Variants in FARP1 observed in about 807,000 individuals in gnomAD.
FARP1 encodes the protein FERM, ARH/RhoGEF and pleckstrin domain protein 1, also known as FERM, ARHGEF and pleckstrin domain-containing protein 1.
A neutral mutation model predicts 128.8 loss-of-function variants in FARP1; 52 were observed. The ratio of observed to expected loss-of-function variants is 0.40; its 90% CI spans 0.32 to 0.51. FARP1 has a LOEUF of 0.51. Among genes scored for constraint, FARP1 ranks in the 20% least tolerant of loss-of-function variants. FARP1 has a pLI of 0.45. For synonymous variants in FARP1, 580 were observed against 551.8 expected, an observed-to-expected ratio of 1.05 and a Z score of -0.72; for missense variants, 1,333 against 1,367.9, an observed-to-expected ratio of 0.97 and a Z score of 0.40.
rs118152627 is a variant in FARP1 at position 98,428,728 on chromosome 13, G to T, written c.1906-2315G>T. On this transcript the variant is annotated intron_variant, in intron 17 of 26. Transcript: ENST00000319562. ...GTGTCCTCCCAAGACCTCTGCCTTG[G>T]CCTGGGTGTGTGCATTGCTTCGTTG... Among the ~76,000 whole-genome samples, 510 of 152,280 alleles carry T rather than the reference G, an allele frequency of 3.3e-3. 27 individuals are homozygous for T. In the East Asian group the frequency reaches 0.088, roughly 26 times the overall value.
chr13:98,387,559 C>T (rs1190177397), intron 8 of FARP1, among the ~76,000 whole-genome samples: 1 of 152,202 alleles, frequency 6.6e-6, no homozygotes, highest in Non-Finnish European at 1.5e-5. Flanking sequence ...AATGAACAGG[C>T]CTGGTGTTCC....
chr13:98,177,914 C>T (rs1409138772), intron 1 of FARP1: 1 of 152,150 alleles, frequency 6.6e-6, no homozygotes, highest in Admixed American at 6.5e-5. Context: ...AAAACAAAAA[C>T]AGATACAAGC....
chr13:98,152,412 G>A (rs1160553231), intron 1 of FARP1, among the ~76,000 whole-genome samples: 4 of 152,152 alleles, frequency 2.6e-5, no homozygotes, highest in Admixed American at 6.5e-5. Context: ...GAATGTTTGT[G>A]TGCACTTAAA....
At chr13:98,428,582 G>C (rs2139034256) in intron 17 of FARP1, among the ~76,000 whole-genome samples, 1 of 152,306 alleles carries the variant, frequency 6.6e-6, no homozygotes, top group East Asian at 1.9e-4. Context: ...ATGGTTTGGA[G>C]AATGCAGTCC....
intron 15 of FARP1, among the ~76,000 whole-genome samples, chr13:98,411,141 C>T (rs1350625160): frequency 2.0e-5 from 3 of 152,182 alleles, no homozygotes; most frequent in Non-Finnish European, 4.4e-5. Flanking sequence ...AGTATAACTG[C>T]TGATTTTTGT....
chr13:98,443,422 G>GCA (rs1417465091), intron 24 of FARP1, among the ~76,000 whole-genome samples: 24 of 152,294 alleles, frequency 1.6e-4, no homozygotes, highest in African/African-American at 5.3e-4. Flanking sequence ...CAGCCCTCAT[G>GCA]TGCCAGACGC....
chr13:98,266,664 A>C (rs571521051), intron 2 of FARP1, among the ~76,000 whole-genome samples: 1 of 152,286 alleles, frequency 6.6e-6, no homozygotes, highest in South Asian at 2.1e-4. Context: ...AGAGGAAAAA[A>C]CAACCCCAAG....
Position 98,215,399 on chromosome 13 carries a change from C to A in FARP1, c.171+1986C>A, listed in dbSNP as rs370850860. ...CCTGCAGACCACTTTACTCATATAC[C>A]TGTCAGATGCACAAGGGAGCCTGGG... On this transcript the variant is annotated intron_variant, in intron 2 of 26. Transcript: ENST00000319562. Among the ~76,000 whole-genome samples, 250 of 152,284 alleles carry A rather than the reference C, an allele frequency of 1.6e-3. 1 individual carries two copies. The highest frequency in any genetic ancestry group is 5.7e-3 in the African/African-American group (238 of 41,554).
intron 4 of FARP1, 143 bp from the exon 5 acceptor site, chr13:98,367,974 T>G: frequency 3.1e-6 from 2 of 635,522 alleles, no homozygotes; most frequent in Non-Finnish European, 5.5e-6. Context: ...CTTGGCCAGT[T>G]GTTAAGTGAC....
intron 16 of FARP1, among the ~76,000 whole-genome samples, chr13:98,412,882 CAA>C (rs1891242449): frequency 6.6e-6 from 1 of 152,094 alleles, no homozygotes; most frequent in South Asian, 2.1e-4. Flanking sequence ...GAGAAAATAG[CAA>C]AAAGTTTTTG....
At chr13:98,278,991 A>ATTTTTTTTTTTTTT (rs1159451553) in intron 2 of FARP1, among the ~76,000 whole-genome samples, 3 of 132,080 alleles carry the variant, frequency 2.3e-5, no homozygotes, top group African/African-American at 6.6e-5. Flanking sequence ...ACGCCCTGCT[A>ATTTTTTTTTTTTTT]ATTTTTTTTT....
At chr13:98,362,705 T>C (rs1888921131) in intron 3 of FARP1, among the ~76,000 whole-genome samples, 1 of 152,192 alleles carries the variant, frequency 6.6e-6, no homozygotes, top group African/African-American at 2.4e-5. Flanking sequence ...TGAATGTGTG[T>C]CATTGTTTGT....
intron 19 of FARP1, among the ~76,000 whole-genome samples, chr13:98,437,573 T>C (rs1892324306): frequency 6.6e-6 from 1 of 152,070 alleles, no homozygotes; most frequent in Non-Finnish European, 1.5e-5. Context: ...CCAGGAGGGC[T>C]TCGTGCAGGG....
chr13:98,161,784 T>C (rs1876906432), intron 1 of FARP1, among the ~76,000 whole-genome samples: 1 of 151,988 alleles, frequency 6.6e-6, no homozygotes, highest in South Asian at 2.1e-4. Flanking sequence ...CTTCTTTCTT[T>C]CTCCCTTTCT....
intron 1 of FARP1, among the ~76,000 whole-genome samples, chr13:98,151,660 C>CTTTTTTTTTGTTTTTTT (rs1876011036): frequency 1.4e-5 from 1 of 69,224 alleles, no homozygotes; most frequent in Non-Finnish European, 2.8e-5. Context: ...TATCTTCCAT[C>CTTTTTTTTTGTTTTTTT]TTTTTTTTTT....
chr13:98,265,631 A>G (rs1884080042), intron 2 of FARP1, among the ~76,000 whole-genome samples: 1 of 152,112 alleles, frequency 6.6e-6, no homozygotes, highest in African/African-American at 2.4e-5. Flanking sequence ...TCCTGAATTT[A>G]TATACGACAT....
intron 2 of FARP1, among the ~76,000 whole-genome samples, chr13:98,314,150 A>G (rs1886613106): frequency 6.6e-6 from 1 of 152,154 alleles, no homozygotes; most frequent in East Asian, 1.9e-4. Context: ...TCAGTGTTTG[A>G]CATGGAGCCA....
rs58342268 is a variant in FARP1 at position 98,449,801 on chromosome 13, TGGGGGGG to T, written c.*1486_*1492del. 8.5e-5 allele frequency: 10 copies of T among 117,462 alleles called. No individual in the cohort carries two copies. Among genetic ancestry groups the T allele is most frequent in the Non-Finnish European group, 3.6e-5 (2 of 55,764 alleles). The allele number at this position is 117,462 out of a possible 1,614,324, so 7.3% of individuals were successfully genotyped here. On this transcript the variant is annotated 3_prime_UTR_variant, in exon 27 of 27. Coordinates refer to ENST00000319562, the MANE Select transcript of FARP1 (RefSeq NM_005766.4). ...TTGTCTGTAGTCTTCATTTTCTGTGTGGGGGGGGAGGGGGGAAGGGGACACTCCAGCA... is the reference window on the plus strand; with the variant it reads ...TTGTCTGTAGTCTTCATTTTCTGTGTGAGGGGGGAAGGGGACACTCCAGCA...
intron 2 of FARP1, among the ~76,000 whole-genome samples, chr13:98,274,201 A>G (rs1227930947): frequency 6.6e-6 from 1 of 152,084 alleles, no homozygotes; most frequent in Non-Finnish European, 1.5e-5. Context: ...AGAGGAAAAA[A>G]GTGAAAAGAT....
Sources: allele counts gnomAD v4.1 joint callset (sites outside exome capture counted in the v4.1 genomes callset), GRCh38; gene constraint gnomAD v4.1.1; transcripts MANE v1.5; gene names NCBI Gene and HGNC (gene_info 2026-07-23, HGNC 2026-07-21).